Variants in CCT6B observed in about 807,000 individuals in gnomAD.
CCT6B encodes the protein probable T-complex protein 1 subunit zeta-2.
A neutral mutation model predicts 61.5 loss-of-function variants in CCT6B; 49 were observed. The observed-to-expected ratio is 0.80, with a 90% CI of 0.63 to 1.01. The LOEUF (loss-of-function observed/expected upper bound fraction) is 1.01. CCT6B is among the 50% of genes least tolerant of loss of function. The pLI, the probability that CCT6B is intolerant of heterozygous loss-of-function variation, is 0.00. For synonymous variants in CCT6B, 228 were observed against 214.5 expected (o/e 1.06, Z -0.55); for missense variants, 666 against 634.7 (o/e 1.05, Z -0.53).
In CCT6B at chr17:34,930,925, G is replaced by C. The variant is rs185989086; in HGVS notation, c.1450+24C>G. On this transcript the variant is annotated intron_variant, in intron 12 of 13. Transcript: ENST00000314144. Reference sequence around the variant, plus strand: ...TAAAGAATAACCTCTTTATTAAGCAGCTAATTTTCCTTCACTTTCTTACCT... The same window carrying C: ...TAAAGAATAACCTCTTTATTAAGCACCTAATTTTCCTTCACTTTCTTACCT... 117 of 1,212,254 alleles carry C rather than the reference G, an allele frequency of 9.7e-5. No individual in the cohort carries two copies. In the African/African-American group the frequency reaches 1.5e-3, roughly 15 times the overall value. The allele number at this position is 1,212,254 out of a possible 1,614,324, so 75.1% of individuals were successfully genotyped here.
intron 10 of CCT6B, 66 bp downstream of exon 10, chr17:34,939,117 G>A: frequency 2.4e-5 from 29 of 1,222,666 alleles, no homozygotes; most frequent in Non-Finnish European, 3.3e-5. Flanking sequence ...AGGTGTGTGT[G>A]TATATATATA....
rs1426715365 is a variant in CCT6B, at chr17:34,942,645, T to C, written c.726-2A>G. 6.3e-7 allele frequency: 1 copy of C among 1,576,204 alleles called. No individual in the cohort carries two copies. ...TAAAAGAAACCAGAGTTCACCTCTC[T>C]AAAAGATTAATAAAAACCAGCTAGT... On this transcript the variant is annotated splice_acceptor_variant, in intron 6 of 13. Transcript: ENST00000314144. LOFTEE classifies it high-confidence loss of function.
chr17:34,960,105 T>C (rs746579644), intron 1 of CCT6B, among the ~76,000 whole-genome samples: 2 of 152,238 alleles, frequency 1.3e-5, no homozygotes, highest in African/African-American at 2.4e-5. Context: ...TCCACTGTTA[T>C]CATCTCTACT....
Position 34,932,468 on chromosome 17 carries a change from C to T in CCT6B, c.1246G>A (p.Val416Met). The T allele has an allele frequency of 6.2e-7, 1 of 1,611,598 alleles. No homozygotes were observed. Among genetic ancestry groups the T allele is most frequent in the Non-Finnish European group, 8.5e-7 (1 of 1,179,048 alleles). Residue 416 changes from valine to methionine, a missense_variant, in exon 11 of 14, where the codon GTG (valine) becomes ATG (methionine). Physicochemically the swap from Val to Met is conservative, Grantham distance 21. Coordinates refer to ENST00000314144, the MANE Select transcript of CCT6B (RefSeq NM_006584.4). ...GTAACAAGAGCTTCAGCCATTGCCA[C>T]TTCAATTGCACCAGCTCCAGGAACC... ...CMVPGAGAIE[V>M]AMAEALVTYK...
At chr17:34,931,775 T>C (rs1035386394) in intron 11 of CCT6B, among the ~76,000 whole-genome samples, 2 of 152,232 alleles carry the variant, frequency 1.3e-5, no homozygotes, top group Admixed American at 1.3e-4. Context: ...TTTTAATTCA[T>C]GGTAATAGCA....
chr17:34,949,150 A>G (rs2090262021), intron 5 of CCT6B, among the ~76,000 whole-genome samples: 1 of 151,804 alleles, frequency 6.6e-6, no homozygotes, highest in Non-Finnish European at 1.5e-5. Context: ...AGAAAAGGAG[A>G]AAATCATAGA....
intron 4 of CCT6B, among the ~76,000 whole-genome samples, chr17:34,953,145 C>T (rs2090310878): frequency 6.6e-6 from 1 of 151,846 alleles, no homozygotes; most frequent in African/African-American, 2.4e-5. Flanking sequence ...TAGTATTCTG[C>T]TTTGTATGTC....
At chr17:34,951,673 C>T (rs1357394609) in intron 5 of CCT6B, among the ~76,000 whole-genome samples, 3 of 152,170 alleles carry the variant, frequency 2.0e-5, no homozygotes, top group African/African-American at 7.2e-5. Context: ...CTTGTTTCTT[C>T]AGAGACCTCT....
chr17:34,948,982 C>T (rs1420123576), intron 5 of CCT6B, among the ~76,000 whole-genome samples: 1 of 144,854 alleles, frequency 6.9e-6, no homozygotes, highest in African/African-American at 2.5e-5. Context: ...CTGCAGTGAG[C>T]TGTAATTGTG....
chr17:34,930,133 G>A (rs772700584), intron 12 of CCT6B, among the ~76,000 whole-genome samples: 13 of 152,124 alleles, frequency 8.5e-5, no homozygotes, highest in Middle Eastern at 3.2e-3. Flanking sequence ...TTAGCCGGGC[G>A]TGGCAGCAGA....
rs191714932 is a variant in CCT6B, at chr17:34,930,126, G to C, written c.1450+823C>G. Among the ~76,000 whole-genome samples the C allele has an allele frequency of 1.8e-3, 276 of 152,234 alleles. 2 individuals are homozygous for C. The highest frequency in any genetic ancestry group is 6.5e-3 in the African/African-American group (271 of 41,542). ...GTCTCTACTAAAAATACAAAAATTA[G>C]CCGGGCGTGGCAGCAGACACCTATA... On this transcript the variant is annotated intron_variant, in intron 12 of 13. Transcript: ENST00000314144.
intron 12 of CCT6B, among the ~76,000 whole-genome samples, chr17:34,929,873 C>T (rs981133624): frequency 7.9e-5 from 12 of 152,106 alleles, no homozygotes; most frequent in African/African-American, 2.9e-4. Context: ...ACCCATATAT[C>T]CAACTTTTTT....
At chr17:34,961,221 C>G in intron 1 of CCT6B, 36 bp downstream of exon 1, 2 of 1,574,964 alleles carry the variant, frequency 1.3e-6, no homozygotes, top group East Asian at 2.3e-5. Context: ...CAACGGGCCC[C>G]TAGCCGCGTA....
chr17:34,933,954 C>T (rs112506754), intron 10 of CCT6B, among the ~76,000 whole-genome samples: 10,601 of 151,746 alleles, frequency 0.07, 536 homozygotes, highest in Non-Finnish European at 0.089. Flanking sequence ...CACAGTGAGA[C>T]CCCATCTCTA....
At chr17:34,950,572 T>C (rs2090279398) in intron 5 of CCT6B, among the ~76,000 whole-genome samples, 1 of 152,182 alleles carries the variant, frequency 6.6e-6, no homozygotes, top group Admixed American at 6.5e-5. Context: ...TAAGAAAACA[T>C]TACTTACCAA....
chr17:34,932,472 A>G lies in CCT6B; in HGVS notation c.1242T>C (p.Ile414=). 6.2e-7 allele frequency: 1 copy of G among 1,611,456 alleles called. No individual in the cohort carries two copies. Among genetic ancestry groups the G allele is most frequent in the Admixed American group, 1.7e-5 (1 of 59,666 alleles). The change falls in exon 11 of 14, where the codon ATT becomes ATC. Residue 414 remains isoleucine (I), a synonymous_variant. Transcript: ENST00000314144. ...DGCMVPGAGA[I]EVAMAEALVT... ...CAAGAGCTTCAGCCATTGCCACTTC[A>G]ATTGCACCAGCTCCAGGAACCATAC...
chr17:34,954,879 C>T (rs540478312), intron 3 of CCT6B, among the ~76,000 whole-genome samples: 51 of 152,180 alleles, frequency 3.4e-4, no homozygotes, highest in African/African-American at 9.4e-4. Context: ...AATGGGCACA[C>T]ATAAAAAGAT....
At chr17:34,930,025 T>C (rs1410291445) in intron 12 of CCT6B, among the ~76,000 whole-genome samples, 1 of 152,162 alleles carries the variant, frequency 6.6e-6, no homozygotes, top group Non-Finnish European at 1.5e-5. Context: ...TTGACTTCTC[T>C]ACAAAGTGGA....
At chr17:34,960,831 G>A (rs553024752) in intron 1 of CCT6B, among the ~76,000 whole-genome samples, 1 of 152,272 alleles carries the variant, frequency 6.6e-6, no homozygotes, top group East Asian at 1.9e-4. Context: ...AGTAGAACTT[G>A]GATTTGACCC....
Sources: allele counts gnomAD v4.1 joint callset (sites outside exome capture counted in the v4.1 genomes callset), GRCh38; gene constraint gnomAD v4.1.1; transcripts MANE v1.5; gene names NCBI Gene and HGNC (gene_info 2026-07-23, HGNC 2026-07-21).